The following IFNLR1 variants were observed in gnomAD, a reference collection of about 807,000 sequenced individuals.
The protein encoded by IFNLR1 is CRF2-12.
In IFNLR1, 28 loss-of-function variants were observed where a neutral mutation model predicts 52.5. That is an observed-to-expected ratio of 0.53 (90% CI 0.40 to 0.73). The LOEUF is 0.73. IFNLR1 is among the 30% of genes least tolerant of loss of function. The pLI is 0.00. For missense variants in IFNLR1, 623 were observed against 659.1 expected (o/e 0.95, Z 0.60); for synonymous variants, 276 against 274.9 (o/e 1.00, Z -0.04).
At position 24,173,887 on chromosome 1, in the gene IFNLR1, G is replaced by A. The variant is rs557431348; in HGVS notation, c.183-4286C>T. Among the ~76,000 whole-genome samples the A allele has an allele frequency of 5.9e-5, 9 of 152,214 alleles. No individual in the cohort carries two copies. In the East Asian group the frequency reaches 1.7e-3, roughly 29 times the overall value. ...CTGATACTCCTAGATCTTTATCTAA[G>A]AGAAATGAAAACATATCCACACAAA... On this transcript the variant is annotated intron_variant, in intron 2 of 6. Transcript: ENST00000327535.
chr1:24,162,819 CTTCT>C (rs201734960), intron 3 of IFNLR1, among the ~76,000 whole-genome samples: 1,809 of 43,842 alleles, frequency 0.041, 166 homozygotes, highest in South Asian at 0.071. Flanking sequence ...TTCTTTTTTT[CTTCT>C]TTCTTTCTTT....
chr1:24,179,857 C>T lies in IFNLR1; in HGVS notation c.182+874G>A, dbSNP rs553455118. 2.6e-5 allele frequency among the ~76,000 whole-genome samples: 4 copies of T among 152,330 alleles called. No homozygotes were observed. The South Asian group carries it at 8.3e-4, about 32-fold the overall frequency. ...CCAGGTGAATCCTCCCGAGCTTCTG[C>T]TTCTATCATCTCACTGTCCTGCTAA... On this transcript the variant is annotated intron_variant, in intron 2 of 6. Transcript: ENST00000327535.
In IFNLR1 at chr1:24,157,413, G is replaced by T; in HGVS notation, c.1280C>A (p.Pro427Gln). ...ACCCGAGTCCTTGGAGAATTCAGGT[G>T]GTGGGAGAGATTCTTGGTGCCCATC... ...GGDGHQESLP[P>Q]PEFSKDSGFL... Residue 427 changes from proline (P) to glutamine (Q), a missense_variant, in exon 7 of 7, where the codon CCA becomes CAA. Physicochemically the swap from Pro to Gln is moderately conservative, Grantham distance 76. Coordinates refer to ENST00000327535, the MANE Select transcript of IFNLR1 (RefSeq NM_170743.4). This position sits in a 1 kb window ranked among gnomAD's most constrained non-coding sequence, Gnocchi z 5.1. The T allele has an allele frequency of 6.2e-7, 1 of 1,614,214 alleles. No homozygotes were observed. The highest frequency in any genetic ancestry group is 8.5e-7 in the Non-Finnish European group (1 of 1,180,028).
rs1028080472 is a variant in IFNLR1 at position 24,169,031 on chromosome 1, A to C, written c.367+386T>G. 2.6e-5 allele frequency among the ~76,000 whole-genome samples: 4 copies of C among 152,350 alleles called. No individual in the cohort carries two copies. The East Asian group carries it at 7.7e-4, about 29-fold the overall frequency. The stretch of plus-strand genomic sequence containing the variant: ...AGTGCTGGGATTACAGGCGTGAGCC[A>C]CCACGCCTGGCCCAGAATTGGTTTT... On this transcript the variant is annotated intron_variant, in intron 3 of 6. Transcript: ENST00000327535.
At position 24,157,502 on chromosome 1, in the gene IFNLR1, G is replaced by A; in HGVS notation, c.1191C>T (p.Ser397=). 6.2e-7 allele frequency: 1 copy of A among 1,612,592 alleles called. No individual in the cohort carries two copies. The highest frequency in any genetic ancestry group is 8.5e-7 in the Non-Finnish European group (1 of 1,179,242). Residue 397 remains serine, a synonymous_variant, in exon 7 of 7, where the codon TCC becomes TCT. Transcript: ENST00000327535. The surrounding 1 kb of genome is among the most constrained non-coding windows in gnomAD (Gnocchi z 5.1). ...DRSWASTVDS[S]WDRAGSSGYL... ...AGCCAGAGGACCCAGCCCTGTCCCA[G>A]GAGGAGTCCACAGTGCTGGCCCAGC... is the stretch of plus-strand genomic sequence containing the variant.
chr1:24,161,263 T>C, intron 4 of IFNLR1: 1 of 574,322 alleles, frequency 1.7e-6, no homozygotes, highest in Non-Finnish European at 3.1e-6. Flanking sequence ...TACACCAGAG[T>C]GATGTGTGGT....
At chr1:24,161,511 C>T in intron 4 of IFNLR1, 31 bp downstream of exon 4, 1 of 1,553,110 alleles carries the variant, frequency 6.4e-7, no homozygotes, top group Non-Finnish European at 8.7e-7. Context: ...AGGAGCGGGC[C>T]TAGCCTGGGG....
In IFNLR1 at chr1:24,154,192, TTA is replaced by T. The variant is rs1422905496; in HGVS notation, c.*2936_*2937del. On this transcript the variant is annotated 3_prime_UTR_variant, in exon 7 of 7. Transcript: ENST00000327535. The stretch of plus-strand genomic sequence containing the variant: ...CTTTTTTCTTTAAAAATAGAGCTCT[TTA>T]TTTAAACAGTTTAGGGTAATACCAA... The T allele has an allele frequency of 1.3e-5, 2 of 152,258 alleles. No homozygotes were observed. Among genetic ancestry groups the T allele is most frequent in the South Asian group, 2.1e-4 (1 of 4,828 alleles). 9.4% of individuals were successfully genotyped at this position (152,258 alleles called of 1,614,324 possible).
chr1:24,178,902 C>T (rs57237710), intron 2 of IFNLR1, among the ~76,000 whole-genome samples: 1 of 127,618 alleles, frequency 7.8e-6, no homozygotes, highest in African/African-American at 4.8e-5. Context: ...TATCACCATT[C>T]TAATGTATAA....
chr1:24,183,372 A>G (rs1569705553), intron 1 of IFNLR1, among the ~76,000 whole-genome samples: 1 of 152,128 alleles, frequency 6.6e-6, no homozygotes, highest in Admixed American at 6.5e-5. Context: ...TCGAGGCAGG[A>G]GAATCATTTG....
chr1:24,157,696 C>T lies in IFNLR1; in HGVS notation c.997G>A (p.Asp333Asn). The T allele has an allele frequency of 6.2e-7, 1 of 1,613,686 alleles. No individual in the cohort carries two copies. The highest frequency in any genetic ancestry group is 8.5e-7 in the Non-Finnish European group (1 of 1,179,850). ...AEDEEEEDEE[D>N]TEDGVSFQPY... The stretch of plus-strand genomic sequence containing the variant: ...TGGAAGCTGACGCCATCTTCTGTGT[C>T]CTCCTCATCCTCCTCCTCTTCGTCC... Residue 333 changes from aspartate to asparagine, a missense_variant, in exon 7 of 7, where the codon GAC becomes AAC. Asp to Asn is a conservative substitution (Grantham distance 23, BLOSUM62 1). Transcript: ENST00000327535. The surrounding 1 kb of genome is among the most constrained non-coding windows in gnomAD (Gnocchi z 5.1).
chr1:24,174,881 GA>G (rs1644617067), intron 2 of IFNLR1, among the ~76,000 whole-genome samples: 1 of 151,532 alleles, frequency 6.6e-6, no homozygotes, highest in East Asian at 1.9e-4. Context: ...AAAAAAAAAT[GA>G]GAAAGCATGT....
At chr1:24,158,515 C>A (rs1449771708) in intron 6 of IFNLR1, among the ~76,000 whole-genome samples, 1 of 152,174 alleles carries the variant, frequency 6.6e-6, no homozygotes, top group African/African-American at 2.4e-5. Context: ...CCCATCGGAG[C>A]CTCGCATATG....
intron 2 of IFNLR1, among the ~76,000 whole-genome samples, chr1:24,175,190 G>A (rs1316883379): frequency 6.6e-6 from 1 of 152,204 alleles, no homozygotes; most frequent in African/African-American, 2.4e-5. Context: ...AGATCAGCAG[G>A]GTTGTCACTG....
rs1553161946 is a variant in IFNLR1 at position 24,159,726 on chromosome 1, G to GTTTTGTTTTTTTTGTTTT, written c.511-94_511-93insAAAACAAAAAAAACAAAA. On this transcript the variant is annotated intron_variant, in intron 4 of 6. Coordinates refer to ENST00000327535, the MANE Select transcript of IFNLR1 (RefSeq NM_170743.4). ...GTGGGGTTGGCAGACATGGTAGGGT[G>GTTTTGTTTTTTTTGTTTT]TTTTTTTTTTGTTTTTTTTTTTTGT... 5.9e-3 allele frequency: 4,528 copies of GTTTTGTTTTTTTTGTTTT among 761,028 alleles called. 49 individuals are homozygous for GTTTTGTTTTTTTTGTTTT. The highest frequency in any genetic ancestry group is 0.021 in the East Asian group (665 of 31,578). 47.1% of individuals were successfully genotyped at this position (761,028 alleles called of 1,614,324 possible).
chr1:24,172,991 T>TACCTCCTTA (rs1644596605), intron 2 of IFNLR1, among the ~76,000 whole-genome samples: 1 of 152,156 alleles, frequency 6.6e-6, no homozygotes, highest in Non-Finnish European at 1.5e-5. Flanking sequence ...TTACTTTAAT[T>TACCTCCTTA]ACCTCCTTAA....
intron 4 of IFNLR1, chr1:24,161,235 C>A: frequency 1.8e-6 from 1 of 553,662 alleles, no homozygotes; most frequent in East Asian, 3.0e-5. Flanking sequence ...ACACAGAAAA[C>A]AAATCTGAAA....
chr1:24,159,259 A>C lies in IFNLR1; in HGVS notation c.671-77T>G, dbSNP rs1201808054. ...ACTGCACCTGTGCCGAGTGCTTCACATACATGACCCTATTTAATCCTCACA... is the reference window on the plus strand; with the variant it reads ...ACTGCACCTGTGCCGAGTGCTTCACCTACATGACCCTATTTAATCCTCACA... On this transcript the variant is annotated intron_variant, in intron 5 of 6. Coordinates refer to ENST00000327535, the MANE Select transcript of IFNLR1 (RefSeq NM_170743.4). The C allele has an allele frequency of 3.3e-6, 5 of 1,527,994 alleles. No individual in the cohort carries two copies. In the African/African-American group the frequency reaches 4.1e-5, roughly 13 times the overall value. 94.7% of individuals were successfully genotyped at this position (1,527,994 alleles called of 1,614,324 possible). A position where few individuals can be genotyped will look rare whatever the true frequency, so the allele number is the denominator to read the frequency against.
rs1373091545 is a variant in IFNLR1, at chr1:24,162,839, C to CTTTCT, written c.368-1160_368-1156dup. 1.7e-4 allele frequency among the ~76,000 whole-genome samples: 9 copies of CTTTCT among 51,458 alleles called. 2 individuals carry two copies. The highest frequency in any genetic ancestry group is 7.0e-4 in the African/African-American group (8 of 11,364). The allele number at this position is 51,458 out of a possible 152,430, so 33.8% of individuals were successfully genotyped here. ...TTTTTCTTCTTTCTTTCTTTTCTTT[C>CTTTCT]TTTCTTTCTTTCTTTCTTTCTTTCT... is the stretch of plus-strand genomic sequence containing the variant. On this transcript the variant is annotated intron_variant, in intron 3 of 6. Transcript: ENST00000327535.
Sources: allele counts gnomAD v4.1 joint callset (sites outside exome capture counted in the v4.1 genomes callset), GRCh38; gene constraint gnomAD v4.1.1; non-coding constraint Gnocchi (gnomAD v3.1); transcripts MANE v1.5; gene names NCBI Gene and HGNC (gene_info 2026-07-23, HGNC 2026-07-21).